The following UBE2G1 variants were observed in gnomAD, a reference collection of about 807,000 sequenced individuals.
UBE2G1 encodes the protein ubiquitin conjugating enzyme E2 G1.
Under a neutral mutation model 22.7 loss-of-function variants are expected in UBE2G1, and 5 were observed. The observed-to-expected ratio is 0.22, with a 90% CI of 0.12 to 0.46. UBE2G1 has a LOEUF of 0.46. UBE2G1 is among the 20% of genes least tolerant of loss of function. The probability of loss-of-function intolerance (pLI) is 0.99; values close to 1 mark genes in which losing one functional copy is unlikely to be tolerated. For missense variants in UBE2G1, 88 were observed against 203.9 expected, an observed-to-expected ratio of 0.43 and a Z score of 3.46; for synonymous variants, 74 against 67.5, an observed-to-expected ratio of 1.10 and a Z score of -0.47.
chr17:4,315,230 CCTAT>C lies in UBE2G1; in HGVS notation c.47-8111_47-8108del, dbSNP rs568829749. On this transcript the variant is annotated intron_variant, in intron 1 of 5. Coordinates refer to ENST00000396981, the MANE Select transcript of UBE2G1 (RefSeq NM_003342.5). ...GGGGAGTACATGGAGGCCCATTATACCTATCTGTCTACTTTGGTATTATTGGGCA... is the reference window on the plus strand; with the variant it reads ...GGGGAGTACATGGAGGCCCATTATACCTGTCTACTTTGGTATTATTGGGCA... Among the ~76,000 whole-genome samples, 94 of 152,224 alleles carry C rather than the reference CCTAT, an allele frequency of 6.2e-4. 1 individual carries two copies. Among genetic ancestry groups the C allele is most frequent in the Admixed American group, 5.6e-3 (86 of 15,276 alleles).
chr17:4,360,550 G>A (rs191877299), intron 1 of UBE2G1, among the ~76,000 whole-genome samples: 29 of 152,304 alleles, frequency 1.9e-4, no homozygotes, highest in Admixed American at 1.2e-3. Context: ...ATTAAATAAT[G>A]ATAAATGCAC....
intron 4 of UBE2G1, among the ~76,000 whole-genome samples, chr17:4,288,920 A>T (rs1017591240): frequency 1.2e-4 from 19 of 152,048 alleles, no homozygotes; most frequent in Non-Finnish European, 2.6e-4. Context: ...CACACATGTA[A>T]TCGGAACAAT....
intron 1 of UBE2G1, among the ~76,000 whole-genome samples, chr17:4,342,794 G>C (rs1005359831): frequency 1.3e-5 from 2 of 152,214 alleles, no homozygotes; most frequent in South Asian, 4.1e-4. Context: ...CTCCAGTGCT[G>C]AAAAACCTCA....
intron 2 of UBE2G1, among the ~76,000 whole-genome samples, chr17:4,306,712 C>T (rs529288947): frequency 2.0e-4 from 31 of 151,688 alleles, no homozygotes; most frequent in African/African-American, 6.8e-4. Flanking sequence ...AGTGCAATGG[C>T]GTGGTCTCAG....
intron 1 of UBE2G1, among the ~76,000 whole-genome samples, chr17:4,318,280 A>T (rs568928198): frequency 3.3e-4 from 50 of 152,312 alleles, no homozygotes; most frequent in Middle Eastern, 3.4e-3. Flanking sequence ...CCTGAGAACA[A>T]GCCCATACCT....
intron 1 of UBE2G1, among the ~76,000 whole-genome samples, chr17:4,348,199 A>C (rs1287348958): frequency 6.6e-6 from 1 of 152,138 alleles, no homozygotes; most frequent in Non-Finnish European, 1.5e-5. Context: ...CTGAGGCTGC[A>C]GTGAGCTATA....
In UBE2G1 at chr17:4,363,190, T is replaced by C. The variant is rs531276200; in HGVS notation, c.46+3081A>G. ...TCGAATCTTTCCAATAAATTTGATA[T>C]GTTTACATTTCAATTAAAATTCATT... On this transcript the variant is annotated intron_variant, in intron 1 of 5. Transcript: ENST00000396981. 7.9e-5 allele frequency among the ~76,000 whole-genome samples: 12 copies of C among 152,332 alleles called. No individual in the cohort carries two copies. The South Asian group carries it at 2.5e-3, about 32-fold the overall frequency.
chr17:4,284,838 CTTTTTTTTTTTTTTT>C (rs1176508350), intron 4 of UBE2G1, among the ~76,000 whole-genome samples: 1 of 22,318 alleles, frequency 4.5e-5, no homozygotes, highest in African/African-American at 9.3e-5. Flanking sequence ...TCTTTTCTTT[CTTTTTTTTTTTTTTT>C]TTTTTTTTGG....
At chr17:4,282,080 GTTTGTTT>G (rs1285308391) in intron 5 of UBE2G1, among the ~76,000 whole-genome samples, 2 of 151,964 alleles carry the variant, frequency 1.3e-5, no homozygotes, top group Non-Finnish European at 2.9e-5. Flanking sequence ...CTTTTTGTTT[GTTTGTTT>G]TTTGTTTTTT....
Position 4,303,069 on chromosome 17 carries a change from GA to G in UBE2G1, c.149+3951del, listed in dbSNP as rs929156725. On this transcript the variant is annotated intron_variant, in intron 2 of 5. Coordinates refer to ENST00000396981, the MANE Select transcript of UBE2G1 (RefSeq NM_003342.5). ...ACAGCCTTTTCTTTATCTTACAGCA[GA>G]AAAAAAAAAAATTGTGACAGACATT... 8.3e-3 allele frequency among the ~76,000 whole-genome samples: 1,209 copies of G among 144,834 alleles called. 11 individuals are homozygous for G. The highest frequency in any genetic ancestry group is 0.019 in the African/African-American group (760 of 39,766).
Position 4,272,210 on chromosome 17 carries a change from T to A in UBE2G1, c.*344A>T, listed in dbSNP as rs147584176. The A allele has an allele frequency of 5.2e-5, 8 of 152,814 alleles. 1 individual carries two copies. Among genetic ancestry groups the A allele is most frequent in the African/African-American group, 1.9e-4 (8 of 41,590 alleles). The allele number at this position is 152,814 out of a possible 1,614,324, so 9.5% of individuals were successfully genotyped here. On this transcript the variant is annotated 3_prime_UTR_variant, in exon 6 of 6. Coordinates refer to ENST00000396981, the MANE Select transcript of UBE2G1 (RefSeq NM_003342.5). Reference sequence around the variant, plus strand: ...AGAATTTACACGATTCTTATTCTACTACAAGAAAGCATTATTTGGTACAAG... The same window carrying A: ...AGAATTTACACGATTCTTATTCTACAACAAGAAAGCATTATTTGGTACAAG...
At chr17:4,361,301 C>G (rs890144015) in intron 1 of UBE2G1, among the ~76,000 whole-genome samples, 1 of 151,702 alleles carries the variant, frequency 6.6e-6, no homozygotes, top group Non-Finnish European at 1.5e-5. Context: ...CCAAGGTGGG[C>G]AGATCACTTG....
chr17:4,323,142 A>G (rs1474709656), intron 1 of UBE2G1, among the ~76,000 whole-genome samples: 1 of 152,256 alleles, frequency 6.6e-6, no homozygotes, highest in Non-Finnish European at 1.5e-5. Flanking sequence ...TTTATAACTG[A>G]CAAAAATAGA....
At chr17:4,277,928 T>G (rs536470316) in intron 5 of UBE2G1, among the ~76,000 whole-genome samples, 3 of 151,988 alleles carry the variant, frequency 2.0e-5, no homozygotes, top group East Asian at 1.9e-4. Flanking sequence ...TTTTTTTTTT[T>G]TTGTTTGAGA....
intron 1 of UBE2G1, among the ~76,000 whole-genome samples, chr17:4,338,944 C>T (rs1969680511): frequency 6.6e-6 from 1 of 152,178 alleles, no homozygotes; most frequent in African/African-American, 2.4e-5. Context: ...GAGCACTACT[C>T]CCTGCTCAGG....
In UBE2G1 at chr17:4,366,585, C is replaced by A. The variant is rs2143847396; in HGVS notation, c.-269G>T. On this transcript the variant is annotated 5_prime_UTR_variant, in exon 1 of 6. In the 5' UTR this introduces an upstream ATG that the reference lacks. Coordinates refer to ENST00000396981, the MANE Select transcript of UBE2G1 (RefSeq NM_003342.5). ...ACTGGGACTTCGCTCGCCCGCTTCC[C>A]TCCTTCAACCCGCCCGTCGGCCCCA... The A allele has an allele frequency of 2.7e-6, 1 of 368,312 alleles. No homozygotes were observed. The highest frequency in any genetic ancestry group is 4.3e-5 in the East Asian group (1 of 23,218). The allele number at this position is 368,312 out of a possible 1,614,324, so 22.8% of individuals were successfully genotyped here.
intron 1 of UBE2G1, among the ~76,000 whole-genome samples, chr17:4,357,517 G>GGGGT (rs796661916): frequency 2.2e-5 from 1 of 44,688 alleles, no homozygotes; most frequent in African/African-American, 7.7e-5. Context: ...GTGGGGGGGG[G>GGGGT]GGGTGGGTGT....
At chr17:4,330,347 T>C (rs1335326486) in intron 1 of UBE2G1, among the ~76,000 whole-genome samples, 1 of 152,186 alleles carries the variant, frequency 6.6e-6, no homozygotes, top group Non-Finnish European at 1.5e-5. Flanking sequence ...TCTTCACATT[T>C]TGCATACTCT....
chr17:4,288,217 G>T (rs910707516), intron 4 of UBE2G1, among the ~76,000 whole-genome samples: 3 of 152,122 alleles, frequency 2.0e-5, no homozygotes, highest in African/African-American at 7.2e-5. Flanking sequence ...AAAACTTGGG[G>T]ATAATAATAT....
Sources: allele counts gnomAD v4.1 joint callset (sites outside exome capture counted in the v4.1 genomes callset), GRCh38; gene constraint gnomAD v4.1.1; transcripts MANE v1.5; gene names NCBI Gene and HGNC (gene_info 2026-07-23, HGNC 2026-07-21).